GRID2: variants seen among roughly 807,000 people sequenced by gnomAD.
GRID2 encodes the protein glutamate ionotropic receptor delta type subunit 2.
A neutral mutation model predicts 114.8 loss-of-function variants in GRID2; 33 were observed. The ratio of observed to expected loss-of-function variants is 0.29; its 90% CI spans 0.22 to 0.38. The LOEUF (loss-of-function observed/expected upper bound fraction) is 0.38, where lower values mean the gene tolerates loss of function less well. Among genes scored for constraint, GRID2 ranks in the 10% least tolerant of loss-of-function variants. GRID2 has a pLI of 1.00. For missense variants in GRID2, 1,184 were observed against 1,257.7 expected (o/e 0.94, Z 0.89); for synonymous variants, 505 against 449.9 (o/e 1.12, Z -1.55).
intron 13 of GRID2, among the ~76,000 whole-genome samples, chr4:93,517,948 CA>C: frequency 3.2e-5 from 1 of 31,364 alleles, no homozygotes; most frequent in Non-Finnish European, 7.2e-5. Context: ...TATATACATA[CA>C]TGTATATGTA....
intron 1 of GRID2, among the ~76,000 whole-genome samples, chr4:93,780,488 G>A (rs57065357): frequency 0.04 from 6,095 of 152,222 alleles, 396 homozygotes; most frequent in African/African-American, 0.14. Context: ...GCATGGGTTG[G>A]GAAACCACTG....
intron 14 of GRID2, among the ~76,000 whole-genome samples, chr4:93,651,496 C>T (rs570363931): frequency 9.2e-5 from 14 of 152,144 alleles, no homozygotes; most frequent in Non-Finnish European, 1.6e-4. Context: ...TGCATCTTTA[C>T]ACTTTGGAAA....
At chr4:93,298,301 G>T (rs1754527707) in intron 8 of GRID2, among the ~76,000 whole-genome samples, 1 of 152,160 alleles carries the variant, frequency 6.6e-6, no homozygotes, top group Non-Finnish European at 1.5e-5. Flanking sequence ...ATTTCTCACA[G>T]TTCTGAAGGC....
intron 1 of GRID2, among the ~76,000 whole-genome samples, chr4:92,589,734 A>G (rs997787935): frequency 2.6e-5 from 4 of 152,362 alleles, no homozygotes; most frequent in African/African-American, 9.6e-5. Context: ...TATATATTCT[A>G]TGAATGGACC....
At chr4:93,390,938 G>A (rs576554263) in intron 8 of GRID2, among the ~76,000 whole-genome samples, 2 of 152,030 alleles carry the variant, frequency 1.3e-5, no homozygotes, top group African/African-American at 2.4e-5. Flanking sequence ...TAGTATGAAG[G>A]TTCTGTTTTC....
At chr4:93,062,715 A>C (rs1014502855) in intron 2 of GRID2, among the ~76,000 whole-genome samples, 1 of 152,028 alleles carries the variant, frequency 6.6e-6, no homozygotes, top group Non-Finnish European at 1.5e-5. Context: ...ACCTTTAGAT[A>C]GTTTTAAAGT....
chr4:93,545,790 CA>C (rs976560653), intron 13 of GRID2, among the ~76,000 whole-genome samples: 5 of 151,496 alleles, frequency 3.3e-5, no homozygotes, highest in Non-Finnish European at 5.9e-5. Flanking sequence ...TATTATACCA[CA>C]AAAAAATATT....
At chr4:92,448,172 T>C (rs1390194933) in intron 1 of GRID2, among the ~76,000 whole-genome samples, 1 of 151,490 alleles carries the variant, frequency 6.6e-6, no homozygotes, top group Non-Finnish European at 1.5e-5. Context: ...TGTATGTATG[T>C]ATGTATGTAT....
At chr4:92,646,843 T>C (rs1731657850) in intron 2 of GRID2, among the ~76,000 whole-genome samples, 1 of 152,216 alleles carries the variant, frequency 6.6e-6, no homozygotes, top group Non-Finnish European at 1.5e-5. Context: ...AATTAGTAAA[T>C]GCTGTTAATA....
At chr4:92,622,750 C>T (rs1730333205) in intron 2 of GRID2, among the ~76,000 whole-genome samples, 1 of 151,698 alleles carries the variant, frequency 6.6e-6, no homozygotes, top group African/African-American at 2.4e-5. Context: ...AAAGCATTAG[C>T]TTCATTCCTG....
Position 93,159,567 on chromosome 4 carries a change from A to G in GRID2, c.736-47837A>G, listed in dbSNP as rs768856586. Among the ~76,000 whole-genome samples the G allele has an allele frequency of 2.4e-4, 37 of 151,930 alleles. 1 individual carries two copies. Among genetic ancestry groups the G allele is most frequent in the Admixed American group, 7.2e-4 (11 of 15,218 alleles). On this transcript the variant is annotated intron_variant, in intron 4 of 15. Coordinates refer to ENST00000282020, the MANE Select transcript of GRID2 (RefSeq NM_001510.4). ...TTTTATAATAAGCTGATATAGTAAAAGAAAGATTACTAATACAGAAGAGTC... is the reference window on the plus strand; with the variant it reads ...TTTTATAATAAGCTGATATAGTAAAGGAAAGATTACTAATACAGAAGAGTC...
At chr4:92,605,839 G>A (rs184777725) in intron 2 of GRID2, among the ~76,000 whole-genome samples, 154 of 152,088 alleles carry the variant, frequency 1.0e-3, no homozygotes, top group African/African-American at 3.6e-3. Flanking sequence ...AATCAGCTTT[G>A]GTTCCTTATA....
chr4:92,418,215 G>A (rs1308259706), intron 1 of GRID2, among the ~76,000 whole-genome samples: 1 of 152,060 alleles, frequency 6.6e-6, no homozygotes, highest in Non-Finnish European at 1.5e-5. Context: ...ATAAATGAGA[G>A]CAATGAGCAT....
intron 1 of GRID2, among the ~76,000 whole-genome samples, chr4:92,403,167 G>C (rs1228501692): frequency 1.3e-5 from 2 of 152,156 alleles, no homozygotes. Context: ...TGGCTTAAGA[G>C]AATGTGTGGC....
At chr4:93,529,226 C>G (rs1731216012) in intron 13 of GRID2, among the ~76,000 whole-genome samples, 1 of 152,156 alleles carries the variant, frequency 6.6e-6, no homozygotes, top group African/African-American at 2.4e-5. Flanking sequence ...TTCACGGAGT[C>G]TGGGGTGGGA....
rs535283898 is a variant in GRID2, at chr4:93,647,290, A to G, written c.2360+20855A>G. Among the ~76,000 whole-genome samples the G allele has an allele frequency of 2.7e-4, 41 of 152,310 alleles. No individual in the cohort carries two copies. The South Asian group carries it at 2.9e-3, about 11-fold the overall frequency. ...TATACGCTTTTGACTGTAAGAAAGGAAATCTGAAATCAAATGTTCCTAAGA... is the reference window on the plus strand; with the variant it reads ...TATACGCTTTTGACTGTAAGAAAGGGAATCTGAAATCAAATGTTCCTAAGA... On this transcript the variant is annotated intron_variant, in intron 14 of 15. Transcript: ENST00000282020.
At chr4:92,804,868 T>G (rs781403951) in intron 2 of GRID2, among the ~76,000 whole-genome samples, 3 of 152,004 alleles carry the variant, frequency 2.0e-5, no homozygotes, top group Non-Finnish European at 2.9e-5. Flanking sequence ...AATTTTGTCT[T>G]TATTGTTACT....
At chr4:92,990,070 C>T (rs1754771382) in intron 2 of GRID2, among the ~76,000 whole-genome samples, 1 of 151,916 alleles carries the variant, frequency 6.6e-6, no homozygotes, top group Non-Finnish European at 1.5e-5. Context: ...AAAATAAAGA[C>T]ATTTGATAGC....
At position 93,105,231 on chromosome 4, in the gene GRID2, C is replaced by G. The variant is rs554833904; in HGVS notation, c.530-5517C>G. Among the ~76,000 whole-genome samples the G allele has an allele frequency of 3.3e-5, 5 of 151,874 alleles. No homozygotes were observed. In the East Asian group the frequency reaches 9.7e-4, roughly 29 times the overall value. On this transcript the variant is annotated intron_variant, in intron 3 of 15. Coordinates refer to ENST00000282020, the MANE Select transcript of GRID2 (RefSeq NM_001510.4). ...AGCCCTTTGTCAGATGAGTAGGTTG[C>G]GAAAATTTTCTCCCATTTTGTAGGT...
Sources: gnomAD v4.1 joint callset for allele counts (sites outside exome capture counted in the v4.1 genomes callset) on GRCh38, gnomAD v4.1.1 for gene constraint, MANE v1.5 for transcripts, NCBI Gene and HGNC (gene_info 2026-07-23, HGNC 2026-07-21) for gene names.